The following SATL1 variants were observed in gnomAD, a reference collection of about 807,000 sequenced individuals.
SATL1 encodes the protein spermidine/spermine N(1)-acetyltransferase-like protein 1.
SATL1 carries 47 observed loss-of-function variants against 51.8 expected under a neutral mutation model. That is an observed-to-expected ratio of 0.91 (90% confidence interval 0.72 to 1.16). SATL1 has a LOEUF of 1.16. SATL1 is among the 50% of genes most tolerant of loss of function. SATL1 has a pLI of 0.00. For synonymous variants in SATL1, 176 were observed against 182.4 expected (o/e 0.97, Z 0.28); for missense variants, 520 against 526.4 (o/e 0.99, Z 0.12).
At position 85,094,127 on chromosome X, in the gene SATL1, C is replaced by T. The variant is rs777839201; in HGVS notation, c.1876+1G>A. ...AGTAATATCATAAATTTTAGTTTTA[C>T]CTTGGTAAGCTTGTGTGACATAAAA... On this transcript the variant is annotated splice_donor_variant, in intron 6 of 7. Coordinates refer to ENST00000644105, the MANE Select transcript of SATL1 (RefSeq NM_001367857.2). LOFTEE classifies it high-confidence loss of function. The T allele has an allele frequency of 1.0e-5, 11 of 1,102,845 alleles. No homozygotes were observed. The African/African-American group carries it at 2.0e-4, about 20-fold the overall frequency. 90.9% of individuals were successfully genotyped at this position (1,102,845 alleles called of 1,213,427 possible).
chrX:85,112,344 TC>T (rs1925278945), intron 2 of SATL1, among the ~76,000 whole-genome samples: 3 of 26,005 alleles, frequency 1.2e-4, no homozygotes, highest in African/African-American at 2.3e-4. Context: ...AGAATCAGAC[TC>T]TGTCTCAAAA....
intron 2 of SATL1, chrX:85,117,392 G>A (rs1010646022): frequency 9.0e-6 from 1 of 111,568 alleles, no homozygotes; most frequent in Non-Finnish European, 1.9e-5. Context: ...TAACAACTCC[G>A]GCTTGGTTTC....
intron 2 of SATL1, among the ~76,000 whole-genome samples, chrX:85,141,816 AG>A (rs780788841): frequency 3.2e-4 from 35 of 109,500 alleles, no homozygotes; most frequent in Non-Finnish European, 6.7e-4. Flanking sequence ...AAAGAATTAG[AG>A]TCTATCTATG....
intron 2 of SATL1, among the ~76,000 whole-genome samples, chrX:85,159,540 T>C (rs1361261746): frequency 8.9e-6 from 1 of 111,758 alleles, no homozygotes; most frequent in Non-Finnish European, 1.9e-5. Context: ...ATAGAAATAT[T>C]GTCTTCCGGG....
intron 2 of SATL1, chrX:85,156,399 A>G (rs1481459323): frequency 9.0e-6 from 1 of 111,518 alleles, no homozygotes; most frequent in Admixed American, 9.6e-5. Context: ...GGCCTCCTCA[A>G]CCTGATCAAG....
intron 2 of SATL1, chrX:85,210,841 C>A (rs1927905348): frequency 9.0e-6 from 1 of 111,322 alleles, no homozygotes; most frequent in African/African-American, 3.3e-5. Context: ...AAGAAGATTG[C>A]AGAAAAGAGG....
At chrX:85,117,225 T>C (rs1456106608) in intron 2 of SATL1, 1 of 111,564 alleles carries the variant, frequency 9.0e-6, no homozygotes. Context: ...GTACTTTACT[T>C]TCTTTCATTC....
At chrX:85,199,064 C>T (rs1315746811) in intron 2 of SATL1, among the ~76,000 whole-genome samples, 1 of 110,034 alleles carries the variant, frequency 9.1e-6, no homozygotes, top group African/African-American at 3.3e-5. Flanking sequence ...TGGTCTCGAT[C>T]TCCTGACCTC....
At chrX:85,215,254 C>A (rs1180221135) in intron 2 of SATL1, among the ~76,000 whole-genome samples, 2 of 111,460 alleles carry the variant, frequency 1.8e-5, no homozygotes, top group Admixed American at 9.5e-5. Context: ...GACAGCAGAA[C>A]CTGGGCCTGG....
intron 2 of SATL1, among the ~76,000 whole-genome samples, chrX:85,142,240 C>A (rs185749527): frequency 0.048 from 5,015 of 105,368 alleles, 358 homozygotes; most frequent in African/African-American, 0.16. Flanking sequence ...ACTAAAAATA[C>A]AAAAAATTAG....
intron 2 of SATL1, among the ~76,000 whole-genome samples, chrX:85,174,630 CTT>C (rs1927049242): frequency 9.0e-6 from 1 of 111,394 alleles, no homozygotes; most frequent in Admixed American, 9.6e-5. Context: ...GCGGATAAAA[CTT>C]TTAAACACCA....
rs1030719377 is a variant in SATL1, at chrX:85,093,193, G to T, written c.1909C>A (p.Leu637Ile). ...CTAATTGTAATACATACCTGACTTA[G>T]CCTCTTCAGCATTTCAGCTCCAATA... ...LGIGAEMLKR[L>I]SQIAITTQCN... is the part of the protein sequence containing the mutation. Residue 637 changes from leucine (L) to isoleucine (I), a missense_variant, in exon 7 of 8, where the codon CTA (leucine) becomes ATA (isoleucine). Transcript: ENST00000644105. The T allele has an allele frequency of 1.7e-6, 2 of 1,162,441 alleles. No individual in the cohort carries two copies. Among genetic ancestry groups the T allele is most frequent in the African/African-American group, 3.6e-5 (2 of 55,711 alleles).
intron 2 of SATL1, among the ~76,000 whole-genome samples, chrX:85,115,095 G>A (rs1265027690): frequency 9.0e-6 from 1 of 111,705 alleles, no homozygotes; most frequent in Admixed American, 9.5e-5. Context: ...GGAAGTGAGA[G>A]GAATATTCAT....
At chrX:85,221,924 G>A (rs190128524) in intron 2 of SATL1, among the ~76,000 whole-genome samples, 1 of 112,072 alleles carries the variant, frequency 8.9e-6, no homozygotes, top group East Asian at 2.8e-4. Context: ...GACATTGAGT[G>A]TTCAGAGTTT....
chrX:85,108,589 A>T lies in SATL1; in HGVS notation c.380T>A (p.Ile127Lys). 8.3e-7 allele frequency: 1 copy of T among 1,201,304 alleles called. No homozygotes were observed. The highest frequency in any genetic ancestry group is 1.1e-6 in the Non-Finnish European group (1 of 890,690). ...GCTCATACCTGATTGGTTCGTGCCT[A>T]TTTGCCTCATGCGTGATTGGCTGGG... is the stretch of plus-strand genomic sequence containing the variant. ...SGPSQSRMRQ[I>K]GTNQSGMSQP... Residue 127 changes from isoleucine (I) to lysine (K), a missense_variant, in exon 3 of 8, where the codon ATA (isoleucine) becomes AAA (lysine). Ile to Lys is a moderately radical substitution (Grantham distance 102). Around this residue, in one of 3 missense-constraint regions of SATL1, gnomAD observed 488 missense variants for 474.3 expected, o/e 1.03. Coordinates refer to ENST00000644105, the MANE Select transcript of SATL1 (RefSeq NM_001367857.2).
chrX:85,200,187 C>G (rs1927660721), intron 2 of SATL1, among the ~76,000 whole-genome samples: 1 of 111,082 alleles, frequency 9.0e-6, no homozygotes, highest in Admixed American at 9.6e-5. Flanking sequence ...CATATGTGTC[C>G]TCTCACTTGT....
intron 2 of SATL1, among the ~76,000 whole-genome samples, chrX:85,196,005 C>T (rs1280446085): frequency 1.8e-5 from 2 of 109,536 alleles, no homozygotes; most frequent in African/African-American, 6.6e-5. Flanking sequence ...ATGGAAGAAA[C>T]AGAGCACACC....
chrX:85,167,640 A>G lies in SATL1; in HGVS notation c.-313+56565T>C, dbSNP rs1485670463. Among the ~76,000 whole-genome samples the G allele has an allele frequency of 2.7e-5, 3 of 110,976 alleles. No homozygotes were observed. In the Admixed American group the frequency reaches 2.9e-4, roughly 11 times the overall value. On this transcript the variant is annotated intron_variant, in intron 2 of 7. Transcript: ENST00000644105. ...TAACGAGTTCTGAAATTGAGGCAGT[A>G]ATAAATAGCTTAGCAACAACAAGAA...
At chrX:85,188,638 T>C (rs1332299812) in intron 2 of SATL1, among the ~76,000 whole-genome samples, 7 of 110,742 alleles carry the variant, frequency 6.3e-5, no homozygotes, top group Non-Finnish European at 1.3e-4. Context: ...AGAGCAAGAC[T>C]TCATCTCTCT....
Sources: gnomAD v4.1 joint callset for allele counts (sites outside exome capture counted in the v4.1 genomes callset) on GRCh38, gnomAD v4.1.1 for gene constraint, gnomAD v4.1.1 regional missense constraint, MANE v1.5 for transcripts, NCBI Gene and HGNC (gene_info 2026-07-23, HGNC 2026-07-21) for gene names.